The following HOMER1 variants were observed in gnomAD, a reference collection of about 807,000 sequenced individuals.
HOMER1 encodes the protein homer scaffold protein 1, also known as homer protein homolog 1.
In HOMER1, 3 loss-of-function variants were observed where a neutral mutation model predicts 48.9. That is an observed-to-expected ratio of 0.06 (90% confidence interval 0.03 to 0.16). HOMER1 has a LOEUF of 0.16. Among genes scored for constraint, HOMER1 ranks in the 10% least tolerant of loss-of-function variants. HOMER1 has a pLI of 1.00. For synonymous variants in HOMER1, 134 were observed against 146.4 expected (o/e 0.92, Z 0.61); for missense variants, 247 against 411.4 (o/e 0.60, Z 3.46).
chr5:79,491,701 T>C (rs1752283956), intron 1 of HOMER1, among the ~76,000 whole-genome samples: 1 of 152,180 alleles, frequency 6.6e-6, no homozygotes, highest in Non-Finnish European at 1.5e-5. Context: ...ATTGGTTGTT[T>C]TCCTTATGTA....
At chr5:79,479,424 G>C (rs929764379) in intron 1 of HOMER1, among the ~76,000 whole-genome samples, 1 of 152,194 alleles carries the variant, frequency 6.6e-6, no homozygotes, top group Non-Finnish European at 1.5e-5. Flanking sequence ...ATCCTCACAA[G>C]AGGGATGCAG....
At position 79,379,474 on chromosome 5, in the gene HOMER1, AT is replaced by A. The variant is rs934607306; in HGVS notation, c.877-3278del. 6.1e-4 allele frequency among the ~76,000 whole-genome samples: 69 copies of A among 112,280 alleles called. 1 individual carries two copies. Among genetic ancestry groups the A allele is most frequent in the Middle Eastern group, 4.2e-3 (1 of 238 alleles). The allele number at this position is 112,280 out of a possible 152,430, so 73.7% of individuals were successfully genotyped here. ...ATAATATATAATATATATTTTATAT[AT>A]AAATATATAAATATATAAATATTTA... is the stretch of plus-strand genomic sequence containing the variant. On this transcript the variant is annotated intron_variant, in intron 8 of 8. Transcript: ENST00000334082.
chr5:79,373,312 T>C lies in HOMER1; in HGVS notation c.*2697A>G, dbSNP rs1748681542. 6.6e-6 allele frequency: 1 copy of C among 152,082 alleles called. No individual in the cohort carries two copies. The highest frequency in any genetic ancestry group is 2.4e-5 in the African/African-American group (1 of 41,442). The allele number at this position is 152,082 out of a possible 1,614,324, so 9.4% of individuals were successfully genotyped here. On this transcript the variant is annotated 3_prime_UTR_variant, in exon 9 of 9. Transcript: ENST00000334082. ...TGTATTTTTGCTTTTCTTTTTTTTT[T>C]TCAATTTTTGTTTTTGTACAAGATT...
intron 6 of HOMER1, among the ~76,000 whole-genome samples, chr5:79,401,327 GTAC>G (rs1360700329): frequency 4.8e-4 from 73 of 152,256 alleles, no homozygotes; most frequent in African/African-American, 1.7e-3. Context: ...CACAGGAATT[GTAC>G]AGAGTACTTA....
At chr5:79,510,699 T>G (rs1280678858) in intron 1 of HOMER1, 1 of 866,700 alleles carries the variant, frequency 1.2e-6, no homozygotes, top group Non-Finnish European at 1.9e-6. Flanking sequence ...CCAAAGGGTG[T>G]CAGCCGCAAG....
chr5:79,411,152 G>T (rs1280888071), intron 5 of HOMER1, among the ~76,000 whole-genome samples: 4 of 152,136 alleles, frequency 2.6e-5, no homozygotes, highest in African/African-American at 9.7e-5. Context: ...CATTTGAAAG[G>T]TTCCTTAAAC....
chr5:79,400,942 T>C (rs1304949324), intron 6 of HOMER1, among the ~76,000 whole-genome samples: 4 of 146,716 alleles, frequency 2.7e-5, no homozygotes, highest in African/African-American at 9.9e-5. Context: ...AGATTTTTTT[T>C]TTTTTTTTTT....
chr5:79,482,854 AT>A (rs1561381503), intron 1 of HOMER1, among the ~76,000 whole-genome samples: 2 of 151,854 alleles, frequency 1.3e-5, no homozygotes, highest in East Asian at 3.9e-4. Context: ...AAAAAAAAAA[AT>A]AGCTGGACAT....
chr5:79,443,738 A>C (rs747468590), intron 4 of HOMER1, among the ~76,000 whole-genome samples: 2 of 152,200 alleles, frequency 1.3e-5, no homozygotes, highest in Non-Finnish European at 2.9e-5. Flanking sequence ...AGGAAGAAAA[A>C]CAGAGACTTG....
intron 2 of HOMER1, among the ~76,000 whole-genome samples, chr5:79,454,052 T>C (rs999484561): frequency 2.0e-5 from 3 of 152,194 alleles, no homozygotes; most frequent in African/African-American, 7.2e-5. Context: ...TCCAAAGTCA[T>C]TTATGATTCT....
chr5:79,381,164 C>A (rs1203638814), intron 8 of HOMER1, among the ~76,000 whole-genome samples: 1 of 152,198 alleles, frequency 6.6e-6, no homozygotes, highest in Non-Finnish European at 1.5e-5. Context: ...CACCTGGTGT[C>A]CCAGTCCCCA....
At position 79,373,987 on chromosome 5, in the gene HOMER1, C is replaced by A. The variant is rs999961635; in HGVS notation, c.*2022G>T. ...GTCAAAATTTAAAAATATTTTATTA[C>A]ATCATTAAAATAATTCACTTGCCAT... On this transcript the variant is annotated 3_prime_UTR_variant, in exon 9 of 9. Transcript: ENST00000334082. The A allele has an allele frequency of 6.6e-6, 1 of 151,844 alleles. No homozygotes were observed. Among genetic ancestry groups the A allele is most frequent in the Admixed American group, 6.6e-5 (1 of 15,246 alleles). 9.4% of individuals were successfully genotyped at this position (151,844 alleles called of 1,614,324 possible).
intron 5 of HOMER1, 30 bp from the exon 6 acceptor site, chr5:79,402,085 C>T: frequency 6.3e-7 from 1 of 1,586,286 alleles, no homozygotes; most frequent in South Asian, 1.1e-5. Context: ...AAATTCTATC[C>T]ATTACACCAA....
chr5:79,378,193 G>A (rs1246879446), intron 8 of HOMER1, among the ~76,000 whole-genome samples: 2 of 135,016 alleles, frequency 1.5e-5, no homozygotes, highest in East Asian at 2.5e-4. Context: ...CACTCCAGCC[G>A]CCTGGGGTGA....
At chr5:79,472,617 A>AT (rs2112327731) in intron 1 of HOMER1, among the ~76,000 whole-genome samples, 1 of 134,704 alleles carries the variant, frequency 7.4e-6, no homozygotes, top group South Asian at 3.0e-4. Context: ...TCTACTAAAA[A>AT]TAAAAAAAAA....
At chr5:79,470,146 A>G (rs1561376152) in intron 1 of HOMER1, among the ~76,000 whole-genome samples, 1 of 152,184 alleles carries the variant, frequency 6.6e-6, no homozygotes, top group Non-Finnish European at 1.5e-5. Context: ...GCTACCTGAG[A>G]GAGGGAATCC....
At chr5:79,406,372 T>G (rs1749661921) in intron 5 of HOMER1, among the ~76,000 whole-genome samples, 1 of 152,196 alleles carries the variant, frequency 6.6e-6, no homozygotes, top group African/African-American at 2.4e-5. Context: ...CTTCACAATT[T>G]CATGTTTGGA....
chr5:79,397,666 T>C (rs1749423451), intron 6 of HOMER1, 29 bp from the exon 7 acceptor site: 3 of 1,362,356 alleles, frequency 2.2e-6, no homozygotes, highest in Non-Finnish European at 2.1e-6. Flanking sequence ...ACAGATTAAC[T>C]TAAATTTCAA....
In HOMER1 at chr5:79,382,980, C is replaced by T. The variant is rs1018600533; in HGVS notation, c.877-6783G>A. On this transcript the variant is annotated intron_variant, in intron 8 of 8. Coordinates refer to ENST00000334082, the MANE Select transcript of HOMER1 (RefSeq NM_004272.5). ...GTTATGACCAACTGTATGCTGCTTACAAGAAACATACTTTACTTGTAAAAA... is the reference window on the plus strand; with the variant it reads ...GTTATGACCAACTGTATGCTGCTTATAAGAAACATACTTTACTTGTAAAAA... Among the ~76,000 whole-genome samples the T allele has an allele frequency of 2.6e-5, 4 of 152,174 alleles. No homozygotes were observed. The East Asian group carries it at 7.7e-4, about 29-fold the overall frequency.
Sources: gnomAD v4.1 joint callset for allele counts (sites outside exome capture counted in the v4.1 genomes callset) on GRCh38, gnomAD v4.1.1 for gene constraint, MANE v1.5 for transcripts, NCBI Gene and HGNC (gene_info 2026-07-23, HGNC 2026-07-21) for gene names.